The following CYLD variants were observed in gnomAD, a reference collection of about 807,000 sequenced individuals.
The protein encoded by CYLD is CYLD lysine 63 deubiquitinase, also known as ubiquitin carboxyl-terminal hydrolase CYLD.
Under a neutral mutation model 104.5 loss-of-function variants are expected in CYLD, and 26 were observed. That is an observed-to-expected ratio of 0.25 (90% confidence interval 0.18 to 0.35). The LOEUF is 0.35. Among genes scored for constraint, CYLD ranks in the 10% least tolerant of loss-of-function variants. CYLD has a pLI of 1.00. For synonymous variants in CYLD, 385 were observed against 399.9 expected, an observed-to-expected ratio of 0.96 and a Z score of 0.45; for missense variants, 703 against 1,136.1, an observed-to-expected ratio of 0.62 and a Z score of 5.48.
intron 5 of CYLD, among the ~76,000 whole-genome samples, chr16:50,757,528 A>G (rs989048670): frequency 6.7e-6 from 1 of 150,368 alleles, no homozygotes; most frequent in Non-Finnish European, 1.5e-5. Flanking sequence ...GCAAAATTTA[A>G]TTTAGTTTTT....
At chr16:50,753,594 C>T (rs1374646512) in intron 4 of CYLD, among the ~76,000 whole-genome samples, 1 of 152,176 alleles carries the variant, frequency 6.6e-6, no homozygotes, top group Non-Finnish European at 1.5e-5. Flanking sequence ...CTGGCAAATG[C>T]TAGAACTTCT....
intron 14 of CYLD, among the ~76,000 whole-genome samples, chr16:50,791,232 T>C (rs921445086): frequency 1.3e-5 from 2 of 152,250 alleles, no homozygotes; most frequent in Non-Finnish European, 2.9e-5. Context: ...GCAGTGAAGT[T>C]GCACTAAGTG....
chr16:50,778,519 A>T (rs1318317403), intron 8 of CYLD, among the ~76,000 whole-genome samples: 1 of 152,212 alleles, frequency 6.6e-6, no homozygotes, highest in African/African-American at 2.4e-5. Flanking sequence ...TACACCAAAG[A>T]TGATTTTTCT....
chr16:50,781,470 A>T, intron 10 of CYLD, 59 bp downstream of exon 10: 1 of 1,570,076 alleles, frequency 6.4e-7, no homozygotes, highest in Non-Finnish European at 8.8e-7. Flanking sequence ...CTAATCTCAT[A>T]TCATGTTATA....
intron 6 of CYLD, 113 bp downstream of exon 6, chr16:50,775,287 T>A: frequency 1.2e-6 from 1 of 819,276 alleles, no homozygotes; most frequent in Admixed American, 2.2e-5. Context: ...TTAGGAGTAT[T>A]CTATGATCAT....
intron 5 of CYLD, among the ~76,000 whole-genome samples, chr16:50,770,938 G>T (rs1474601469): frequency 2.0e-5 from 3 of 152,130 alleles, no homozygotes; most frequent in Non-Finnish European, 4.4e-5. Flanking sequence ...TCTTAATAGG[G>T]TCTTTCACAG....
intron 2 of CYLD, among the ~76,000 whole-genome samples, chr16:50,747,424 G>A (rs1162123984): frequency 6.6e-6 from 1 of 152,166 alleles, no homozygotes; most frequent in African/African-American, 2.4e-5. Context: ...ACCTCAGGAA[G>A]CATAAGATAC....
At chr16:50,765,934 C>T (rs1458580924) in intron 5 of CYLD, among the ~76,000 whole-genome samples, 2 of 152,202 alleles carry the variant, frequency 1.3e-5, no homozygotes. Flanking sequence ...GGAAAGATGT[C>T]ATCACCATAA....
chr16:50,773,364 T>C (rs984477487), intron 5 of CYLD, among the ~76,000 whole-genome samples: 1 of 152,252 alleles, frequency 6.6e-6, no homozygotes, highest in Non-Finnish European at 1.5e-5. Flanking sequence ...TGTGTATACA[T>C]AATGGATACT....
At chr16:50,792,734 T>G in intron 16 of CYLD, 29 bp downstream of exon 16, 1 of 1,204,030 alleles carries the variant, frequency 8.3e-7, no homozygotes, top group Non-Finnish European at 1.2e-6. Context: ...TAGTTTGTTT[T>G]GTTGGTTTTG....
chr16:50,792,765 T>C (rs2151033017), intron 16 of CYLD, 60 bp downstream of exon 16: 2 of 914,576 alleles, frequency 2.2e-6, no homozygotes, highest in South Asian at 1.4e-5. Context: ...CAGATAATTC[T>C]CATCAGTTGT....
At chr16:50,786,788 T>C (rs1009379252) in intron 12 of CYLD, 67 bp from the exon 13 acceptor site, 1 of 1,143,526 alleles carries the variant, frequency 8.7e-7, no homozygotes, top group Non-Finnish European at 1.3e-6. Flanking sequence ...AAAAGAAATA[T>C]GTGATTAAGA....
In CYLD at chr16:50,749,867, C is replaced by T. The variant is rs1195632163; in HGVS notation, c.169C>T (p.His57Tyr). Residue 57 changes from histidine to tyrosine, a missense_variant, in exon 3 of 19, where the codon CAT (histidine) becomes TAT (tyrosine). Around this residue, in one of 5 missense-constraint regions of CYLD, gnomAD observed 142 missense variants for 165.1 expected, o/e 0.86. Coordinates refer to ENST00000427738, the MANE Select transcript of CYLD (RefSeq NM_001378743.1). The stretch of plus-strand genomic sequence containing the variant: ...GTATATTCAAGATCGTTCTGTGGGG[C>T]ATTCAAGGATTCCTTCTGCAAAAGG... ...GQYIQDRSVG[H>Y]SRIPSAKGKK... The T allele has an allele frequency of 1.2e-6, 2 of 1,614,118 alleles. No homozygotes were observed. The highest frequency in any genetic ancestry group is 1.7e-6 in the Non-Finnish European group (2 of 1,180,014).
chr16:50,775,697 A>G (rs1018954430), intron 6 of CYLD, among the ~76,000 whole-genome samples: 4 of 152,200 alleles, frequency 2.6e-5, no homozygotes, highest in African/African-American at 9.6e-5. Flanking sequence ...GCAGTTCACA[A>G]TGCACATTAG....
At chr16:50,770,702 C>T (rs373695626) in intron 5 of CYLD, among the ~76,000 whole-genome samples, 8 of 152,180 alleles carry the variant, frequency 5.3e-5, no homozygotes, top group South Asian at 2.1e-4. Context: ...CCACCTGCCT[C>T]GGCTTCCCAA....
chr16:50,747,890 C>G (rs1014882514), intron 2 of CYLD, among the ~76,000 whole-genome samples: 1 of 152,198 alleles, frequency 6.6e-6, no homozygotes, highest in Middle Eastern at 3.2e-3. Flanking sequence ...GGTGCCTAAC[C>G]TGTATCCTGT....
At position 50,750,054 on chromosome 16, in the gene CYLD, T is replaced by C. The variant is rs1395199164; in HGVS notation, c.356T>C (p.Leu119Pro). 1 of 1,614,106 alleles carries C rather than the reference T, an allele frequency of 6.2e-7. No individual in the cohort carries two copies. The highest frequency in any genetic ancestry group is 1.7e-5 in the Admixed American group (1 of 60,002). The change falls in exon 3 of 19, where the codon CTA (leucine) becomes CCA (proline). Residue 119 changes from leucine (L) to proline (P), a missense_variant. By Grantham distance (98) the Leu-to-Pro change is moderately conservative. Coordinates refer to ENST00000427738, the MANE Select transcript of CYLD (RefSeq NM_001378743.1). ...AGCCTGTTTAAAAACAGAAACAGAC[T>C]AAGTAAAGGCCTCCAAATAGACGTG... ...RFSLFKNRNR[L>P]SKGLQIDVGC...
intron 12 of CYLD, chr16:50,786,478 G>T (rs752574756): frequency 1.2e-4 from 23 of 185,596 alleles, no homozygotes; most frequent in Non-Finnish European, 2.4e-4. Flanking sequence ...GAAATGTGTT[G>T]GCCAGGTGTG....
chr16:50,782,009 C>T (rs1009776053), intron 10 of CYLD, among the ~76,000 whole-genome samples: 3 of 152,158 alleles, frequency 2.0e-5, no homozygotes, highest in Non-Finnish European at 4.4e-5. Flanking sequence ...ATTTTCTTTT[C>T]AAACTTGAAA....
Sources: gnomAD v4.1 joint callset for allele counts (sites outside exome capture counted in the v4.1 genomes callset) on GRCh38, gnomAD v4.1.1 for gene constraint, gnomAD v4.1.1 regional missense constraint, MANE v1.5 for transcripts, NCBI Gene and HGNC (gene_info 2026-07-23, HGNC 2026-07-21) for gene names.